The following DDX60 variants were observed in gnomAD, a reference collection of about 807,000 sequenced individuals.
DDX60 encodes DExD/H-box helicase 60.
In DDX60, 165 loss-of-function variants were observed where a neutral mutation model predicts 212.8. The ratio of observed to expected loss-of-function variants is 0.78; its 90% CI spans 0.68 to 0.88. The LOEUF is 0.88. Among genes scored for constraint, DDX60 ranks in the 40% least tolerant of loss-of-function variants. The pLI is 0.00. For synonymous variants in DDX60, 703 were observed against 685.3 expected (o/e 1.03, Z -0.40); for missense variants, 1,905 against 2,003.9 (o/e 0.95, Z 0.94).
intron 20 of DDX60, 22 bp from the exon 21 acceptor site, chr4:168,268,005 T>C: frequency 6.3e-7 from 1 of 1,591,522 alleles, no homozygotes; most frequent in Non-Finnish European, 8.6e-7. Flanking sequence ...AATGTACATA[T>C]TATTTAGGCA....
At position 168,311,706 on chromosome 4, in the gene DDX60, G is replaced by A. The variant is rs141479447; in HGVS notation, c.-106-341C>T. Among the ~76,000 whole-genome samples, 1,104 of 152,304 alleles carry A rather than the reference G, an allele frequency of 7.2e-3. 12 individuals are homozygous for A. The highest frequency in any genetic ancestry group is 0.052 in the South Asian group (252 of 4,826). ...ATACCATGTGTAAAAGCTCAGTGGC[G>A]TGAAGGGTTGTGGGTGACATTGATT... On this transcript the variant is annotated intron_variant, in intron 1 of 37. Transcript: ENST00000393743.
chr4:168,313,624 A>G (rs1449269776), intron 1 of DDX60, among the ~76,000 whole-genome samples: 1 of 152,214 alleles, frequency 6.6e-6, no homozygotes, highest in Non-Finnish European at 1.5e-5. Flanking sequence ...AACCCCAAGT[A>G]TATTACAGAA....
intron 8 of DDX60, among the ~76,000 whole-genome samples, chr4:168,289,843 G>A (rs1053370014): frequency 6.6e-6 from 1 of 152,082 alleles, no homozygotes. Context: ...AAATTGCCCA[G>A]TGCTATTCAT....
rs116181357 is a variant in DDX60, at chr4:168,259,111, C to T, written c.3398+1754G>A. 1.6e-3 allele frequency among the ~76,000 whole-genome samples: 243 copies of T among 152,268 alleles called. 1 individual carries two copies. The highest frequency in any genetic ancestry group is 5.2e-3 in the African/African-American group (218 of 41,556). On this transcript the variant is annotated intron_variant, in intron 25 of 37. Coordinates refer to ENST00000393743, the MANE Select transcript of DDX60 (RefSeq NM_017631.6). ...CAACTCCTTATGGAGCCTTCTGCAC[C>T]ATATAAAACATACTACATACATGTG... is the stretch of plus-strand genomic sequence containing the variant.
At position 168,297,382 on chromosome 4, in the gene DDX60, G is replaced by GAA. The variant is rs1553971655; in HGVS notation, c.724-3438_724-3437insTT. Among the ~76,000 whole-genome samples, 185 of 39,866 alleles carry GAA rather than the reference G, an allele frequency of 4.6e-3. 20 individuals carry two copies. Among genetic ancestry groups the GAA allele is most frequent in the African/African-American group, 0.026 (94 of 3,654 alleles). The allele number at this position is 39,866 out of a possible 152,430, so 26.2% of individuals were successfully genotyped here. On this transcript the variant is annotated intron_variant, in intron 6 of 37. Coordinates refer to ENST00000393743, the MANE Select transcript of DDX60 (RefSeq NM_017631.6). ...AGAAAGAAAGAAAGAAAGAAAGAAAGAGAAAGAAAGAAAGAAAGAAAGACA... is the reference window on the plus strand; with the variant it reads ...AGAAAGAAAGAAAGAAAGAAAGAAAGAAAGAAAGAAAGAAAGAAAGAAAGACA...
At position 168,268,903 on chromosome 4, in the gene DDX60, G is replaced by A. The variant is rs147031025; in HGVS notation, c.2737C>T (p.Pro913Ser). ...ATGGTAGCTGAAAGAGCCAAAAAGG[G>A]ACATCGGATCATGACAAGGAGATGT... Reference protein sequence around the residue: ...WEHLLVMIRCPFLALSATISN... With the variant: ...WEHLLVMIRCSFLALSATISN... The change falls in exon 20 of 38, where the codon CCC becomes TCC. Residue 913 changes from proline (P) to serine (S), a missense_variant. Coordinates refer to ENST00000393743, the MANE Select transcript of DDX60 (RefSeq NM_017631.6). 51 of 1,597,690 alleles carry A rather than the reference G, an allele frequency of 3.2e-5. No individual in the cohort carries two copies. The East Asian group carries it at 8.1e-4, about 25-fold the overall frequency.
intron 32 of DDX60, among the ~76,000 whole-genome samples, chr4:168,236,946 A>T (rs6814863): frequency 0.027 from 4,146 of 151,428 alleles, 194 homozygotes; most frequent in African/African-American, 0.094. Flanking sequence ...ATGCTTTACT[A>T]TATCCTTTTT....
chr4:168,293,697 T>C (rs941440263), intron 7 of DDX60, 90 bp downstream of exon 7: 2 of 1,136,852 alleles, frequency 1.8e-6, no homozygotes, highest in African/African-American at 3.1e-5. Flanking sequence ...AAACATGAAG[T>C]ACCAAATAGA....
upstream of DDX60, among the ~76,000 whole-genome samples, chr4:168,320,285 C>A (rs1480700400): frequency 1.3e-5 from 2 of 151,982 alleles, no homozygotes; most frequent in African/African-American, 4.8e-5. Flanking sequence ...CCAGGTGGGC[C>A]CAAGGTCATC....
At chr4:168,319,861 G>A (rs1237077163), upstream of DDX60, among the ~76,000 whole-genome samples, 4 of 152,300 alleles carry the variant, frequency 2.6e-5, no homozygotes, top group South Asian at 2.1e-4. Flanking sequence ...ACAGAACAGA[G>A]AGAGTAGTGA....
chr4:168,310,904 A>G, intron 3 of DDX60, 94 bp downstream of exon 3: 1 of 698,804 alleles, frequency 1.4e-6, no homozygotes. Flanking sequence ...ACATTGTTCA[A>G]TGGTCAACTG....
At chr4:168,279,497 G>A (rs1377364556) in intron 14 of DDX60, among the ~76,000 whole-genome samples, 1 of 152,186 alleles carries the variant, frequency 6.6e-6, no homozygotes, top group Non-Finnish European at 1.5e-5. Context: ...ATAAGGTGCT[G>A]GAAATTATTC....
At chr4:168,240,395 C>G (rs904723799) in intron 30 of DDX60, among the ~76,000 whole-genome samples, 8 of 152,134 alleles carry the variant, frequency 5.3e-5, no homozygotes, top group African/African-American at 1.9e-4. Flanking sequence ...GGCCATACTG[C>G]CCAGAGTAAT....
chr4:168,300,557 C>T (rs891398941), intron 6 of DDX60, among the ~76,000 whole-genome samples: 4 of 150,652 alleles, frequency 2.7e-5, no homozygotes, highest in African/African-American at 9.8e-5. Flanking sequence ...AAAGAAGCTA[C>T]GATCTATGTG....
chr4:168,293,166 G>A (rs1579062124), intron 7 of DDX60, among the ~76,000 whole-genome samples: 1 of 152,212 alleles, frequency 6.6e-6, no homozygotes, highest in East Asian at 1.9e-4. Flanking sequence ...ACTGTATATT[G>A]GGGGAAGGAA....
chr4:168,275,277 A>G, intron 16 of DDX60, 68 bp downstream of exon 16: 1 of 1,372,280 alleles, frequency 7.3e-7, no homozygotes, highest in Non-Finnish European at 9.8e-7. Context: ...CAGCCACAAT[A>G]ATGAGAAACC....
chr4:168,257,083 G>A (rs916550522), intron 25 of DDX60, among the ~76,000 whole-genome samples: 3 of 152,142 alleles, frequency 2.0e-5, no homozygotes, highest in African/African-American at 7.2e-5. Context: ...TCAGCACTTT[G>A]GGAGGCCGAG....
intron 22 of DDX60, among the ~76,000 whole-genome samples, chr4:168,263,250 T>C (rs1298696528): frequency 6.6e-6 from 1 of 152,208 alleles, no homozygotes; most frequent in Non-Finnish European, 1.5e-5. Flanking sequence ...AACTTCAAGA[T>C]AAAGGCTCTT....
At chr4:168,264,543 T>C (rs2149513587) in intron 22 of DDX60, among the ~76,000 whole-genome samples, 1 of 122,988 alleles carries the variant, frequency 8.1e-6, no homozygotes. Context: ...CTGTTTTTGG[T>C]TGCTAGCTAG....
Sources: gnomAD v4.1 joint callset for allele counts (sites outside exome capture counted in the v4.1 genomes callset) on GRCh38, gnomAD v4.1.1 for gene constraint, MANE v1.5 for transcripts, NCBI Gene and HGNC (gene_info 2026-07-23, HGNC 2026-07-21) for gene names.